The following EYA2 variants were observed in gnomAD, a reference collection of about 807,000 sequenced individuals.
EYA2 encodes the protein protein phosphatase EYA2.
Under a neutral mutation model 69.2 loss-of-function variants are expected in EYA2, and 31 were observed. That is an observed-to-expected ratio of 0.45 (90% confidence interval 0.34 to 0.60). The LOEUF is 0.60. EYA2 is among the 20% of genes least tolerant of loss of function. The pLI is 0.02. For synonymous variants in EYA2, 257 were observed against 279.4 expected, an observed-to-expected ratio of 0.92 and a Z score of 0.80; for missense variants, 622 against 701.2, an observed-to-expected ratio of 0.89 and a Z score of 1.28.
chr20:47,142,166 A>G (rs1159342151), intron 9 of EYA2, among the ~76,000 whole-genome samples: 2 of 152,226 alleles, frequency 1.3e-5, no homozygotes, highest in Non-Finnish European at 2.9e-5. Context: ...AAAAAATGTA[A>G]AAACCATTCT....
intron 7 of EYA2, among the ~76,000 whole-genome samples, chr20:47,086,792 TTC>T (rs1056878815): frequency 2.0e-5 from 3 of 151,668 alleles, no homozygotes; most frequent in Non-Finnish European, 4.4e-5. Flanking sequence ...GCCTGGGTTT[TTC>T]TGTTTGTTTT....
chr20:47,169,041 A>C, intron 10 of EYA2, 98 bp from the exon 11 acceptor site: 1 of 1,100,924 alleles, frequency 9.1e-7, no homozygotes, highest in Non-Finnish European at 1.4e-6. Context: ...TGCAGTGCTC[A>C]TCCCAGCCCT....
At chr20:46,991,151 T>G (rs558817733) in intron 2 of EYA2, among the ~76,000 whole-genome samples, 1 of 152,146 alleles carries the variant, frequency 6.6e-6, no homozygotes, top group East Asian at 1.9e-4. Context: ...TTTGAGAAAA[T>G]TTACTGAGCC....
At chr20:46,944,777 T>C (rs1225381881) in intron 1 of EYA2, among the ~76,000 whole-genome samples, 1 of 152,192 alleles carries the variant, frequency 6.6e-6, no homozygotes, top group Non-Finnish European at 1.5e-5. Context: ...GTGAAGATGC[T>C]ACATTTATTT....
intron 10 of EYA2, among the ~76,000 whole-genome samples, chr20:47,157,676 C>G (rs934068719): frequency 1.3e-5 from 2 of 151,842 alleles, no homozygotes; most frequent in Non-Finnish European, 2.9e-5. Flanking sequence ...GAGATTGACA[C>G]TTTTCAGGAA....
chr20:47,016,104 T>A (rs1983390872), intron 4 of EYA2, 77 bp from the exon 5 acceptor site: 1 of 1,058,138 alleles, frequency 9.5e-7, no homozygotes, highest in African/African-American at 1.6e-5. Context: ...CTTGACCCAG[T>A]AGCTCTTTTG....
chr20:47,151,657 A>G (rs2033825733), intron 10 of EYA2, among the ~76,000 whole-genome samples: 1 of 151,930 alleles, frequency 6.6e-6, no homozygotes, highest in South Asian at 2.1e-4. Flanking sequence ...GTCCTTAGGG[A>G]AGTCTTACCC....
At chr20:47,077,811 T>C (rs956116518) in intron 7 of EYA2, among the ~76,000 whole-genome samples, 3 of 152,226 alleles carry the variant, frequency 2.0e-5, no homozygotes, top group Non-Finnish European at 2.9e-5. Context: ...GAGTTTGAAG[T>C]TTAACAAAGT....
At chr20:47,022,164 G>A (rs1431083998) in intron 5 of EYA2, among the ~76,000 whole-genome samples, 1 of 152,200 alleles carries the variant, frequency 6.6e-6, no homozygotes, top group East Asian at 1.9e-4. Flanking sequence ...CAGGCAGATG[G>A]GATGAGGGCC....
intron 9 of EYA2, among the ~76,000 whole-genome samples, chr20:47,135,030 G>A (rs2033427736): frequency 6.7e-6 from 1 of 150,186 alleles, no homozygotes; most frequent in African/African-American, 2.4e-5. Flanking sequence ...GGGAGGCTGA[G>A]GCACAAGAAT....
intron 9 of EYA2, chr20:47,117,660 A>T: frequency 1.0e-6 from 1 of 985,422 alleles, no homozygotes; most frequent in Non-Finnish European, 1.2e-6. Context: ...GAAAAAGAAA[A>T]AGAAAACCCG....
At chr20:46,957,909 A>G (rs143564903) in intron 1 of EYA2, among the ~76,000 whole-genome samples, 2 of 152,236 alleles carry the variant, frequency 1.3e-5, no homozygotes, top group East Asian at 3.9e-4. Context: ...TCAACTTGCA[A>G]TTTGTCCCAA....
chr20:46,944,705 C>G (rs1031968249), intron 1 of EYA2, among the ~76,000 whole-genome samples: 3 of 152,106 alleles, frequency 2.0e-5, no homozygotes, highest in Non-Finnish European at 4.4e-5. Flanking sequence ...TTACCTAATT[C>G]ATGCCCCTGC....
intron 10 of EYA2, among the ~76,000 whole-genome samples, chr20:47,163,358 T>C (rs1398176946): frequency 6.6e-6 from 1 of 152,136 alleles, no homozygotes; most frequent in Admixed American, 6.5e-5. Context: ...ACCTGCGTTT[T>C]TCACACTCCA....
chr20:47,118,765 G>C (rs2032970734), intron 9 of EYA2, among the ~76,000 whole-genome samples: 2 of 152,192 alleles, frequency 1.3e-5, no homozygotes, highest in Admixed American at 1.3e-4. Context: ...AACTTGGGTT[G>C]AGAGTTCTGA....
intron 1 of EYA2, among the ~76,000 whole-genome samples, chr20:46,957,684 G>A (rs1315659278): frequency 6.6e-6 from 1 of 152,054 alleles, no homozygotes; most frequent in Non-Finnish European, 1.5e-5. Flanking sequence ...AGGCTGAAAT[G>A]GATTCTCACC....
chr20:47,080,128 C>G (rs2146488395), intron 7 of EYA2, among the ~76,000 whole-genome samples: 1 of 152,132 alleles, frequency 6.6e-6, no homozygotes, highest in East Asian at 1.9e-4. Context: ...AGAATCAAGG[C>G]ATACAAAGCA....
At chr20:46,903,151 G>A (rs116166578) in intron 1 of EYA2, among the ~76,000 whole-genome samples, 1 of 152,216 alleles carries the variant, frequency 6.6e-6, no homozygotes, top group Non-Finnish European at 1.5e-5. Flanking sequence ...GAGGTGAGAA[G>A]GACCAAATCC....
chr20:47,073,278 G>A (rs1162491678), intron 6 of EYA2, among the ~76,000 whole-genome samples: 1 of 152,154 alleles, frequency 6.6e-6, no homozygotes, highest in Non-Finnish European at 1.5e-5. Flanking sequence ...GGAGAATTGG[G>A]ATCGCTGGTC....
Sources: allele counts gnomAD v4.1 joint callset (sites outside exome capture counted in the v4.1 genomes callset), GRCh38; gene constraint gnomAD v4.1.1; transcripts MANE v1.5; gene names NCBI Gene and HGNC (gene_info 2026-07-23, HGNC 2026-07-21).